ANGPT2: variants seen among roughly 807,000 people sequenced by gnomAD.
ANGPT2 encodes the protein angiopoietin 2.
A neutral mutation model predicts 62.9 loss-of-function variants in ANGPT2; 28 were observed. The ratio of observed to expected loss-of-function variants is 0.44; its 90% CI spans 0.33 to 0.61. The LOEUF (loss-of-function observed/expected upper bound fraction) is 0.61. Among genes scored for constraint, ANGPT2 ranks in the 20% least tolerant of loss-of-function variants. ANGPT2 has a pLI of 0.03. For synonymous variants in ANGPT2, 284 were observed against 207.8 expected, an observed-to-expected ratio of 1.37 and a Z score of -3.15; for missense variants, 727 against 594.9, an observed-to-expected ratio of 1.22 and a Z score of -2.31.
In ANGPT2 at chr8:6,528,384, A is replaced by G. The variant is rs149775846; in HGVS notation, c.445-708T>C. Among the ~76,000 whole-genome samples the G allele has an allele frequency of 1.5e-3, 227 of 152,336 alleles. 1 individual carries two copies. The highest frequency in any genetic ancestry group is 5.2e-3 in the African/African-American group (216 of 41,576). On this transcript the variant is annotated intron_variant, in intron 2 of 8. Transcript: ENST00000629816. ...GCCGAAAACAAAATGCTATTCTCAT[A>G]TTTATTTGTCACTAGACAGAGAGAT...
In ANGPT2 at chr8:6,519,999, T is replaced by A. The variant is rs755522191; in HGVS notation, c.800-8A>T. 3.7e-6 allele frequency: 6 copies of A among 1,612,312 alleles called. No individual in the cohort carries two copies. The African/African-American group carries it at 6.7e-5, about 18-fold the overall frequency. ...CAACAGTGGGGTCCTTAGCTGCTTT[T>A]AAAAAATAGTAAGGCATTTAAACGG... On this transcript the variant is annotated splice_polypyrimidine_tract_variant and splice_region_variant and intron_variant, in intron 4 of 8. Transcript: ENST00000629816.
chr8:6,558,096 C>T (rs1340975608), intron 1 of ANGPT2, among the ~76,000 whole-genome samples: 6 of 152,190 alleles, frequency 3.9e-5, no homozygotes, highest in Admixed American at 6.5e-5. Context: ...TACAGTCTTC[C>T]TTCCAACCTC....
At position 6,562,598 on chromosome 8, in the gene ANGPT2, A is replaced by G. The variant is rs772177259; in HGVS notation, c.288+49T>C. The G allele has an allele frequency of 5.9e-6, 5 of 853,372 alleles. No individual in the cohort carries two copies. In the Admixed American group the frequency reaches 1.2e-4, roughly 20 times the overall value. The allele number at this position is 853,372 out of a possible 1,614,324, so 52.9% of individuals were successfully genotyped here. A position where few individuals can be genotyped will look rare whatever the true frequency, so the allele number is the denominator to read the frequency against. On this transcript the variant is annotated intron_variant, in intron 1 of 8. Transcript: ENST00000629816. ...GTTGTTAAAACCTGAGCTGCTGCCA[A>G]GCTGATCTTAATAGCATGTTCACAA...
At position 6,548,297 on chromosome 8, in the gene ANGPT2, C is replaced by T. The variant is rs116613739; in HGVS notation, c.288+14350G>A. The stretch of plus-strand genomic sequence containing the variant: ...GGTGGTGTGTGTAGACCTGACAGGA[C>T]TCTACTCGTGCGTCACTTCCCAGCT... On this transcript the variant is annotated intron_variant, in intron 1 of 8. Coordinates refer to ENST00000629816, the MANE Select transcript of ANGPT2 (RefSeq NM_001118887.2). 5.7e-3 allele frequency among the ~76,000 whole-genome samples: 861 copies of T among 152,266 alleles called. 9 individuals carry two copies. The highest frequency in any genetic ancestry group is 0.02 in the African/African-American group (820 of 41,538).
chr8:6,531,572 G>A (rs1387082820), intron 2 of ANGPT2, among the ~76,000 whole-genome samples: 3 of 152,162 alleles, frequency 2.0e-5, no homozygotes, highest in Admixed American at 6.5e-5. Flanking sequence ...AATTACAGGC[G>A]TGAGCTACTG....
chr8:6,509,189 T>A, intron 7 of ANGPT2, 127 bp from the exon 8 acceptor site: 1 of 1,202,966 alleles, frequency 8.3e-7, no homozygotes, highest in Non-Finnish European at 1.1e-6. Context: ...GACTAATGCA[T>A]ACTCTGGACA....
chr8:6,534,887 G>T (rs1417945786), intron 1 of ANGPT2, among the ~76,000 whole-genome samples: 2 of 152,102 alleles, frequency 1.3e-5, no homozygotes, highest in African/African-American at 2.4e-5. Context: ...ATAGCAGTTC[G>T]TAATTCTCCC....
At chr8:6,551,963 A>C (rs1823726754) in intron 1 of ANGPT2, among the ~76,000 whole-genome samples, 1 of 152,240 alleles carries the variant, frequency 6.6e-6, no homozygotes, top group South Asian at 2.1e-4. Context: ...AAACTCTAAT[A>C]CTTCAACTAT....
chr8:6,503,963 G>T (rs1812717625), intron 8 of ANGPT2, among the ~76,000 whole-genome samples: 1 of 152,138 alleles, frequency 6.6e-6, no homozygotes, highest in Non-Finnish European at 1.5e-5. Context: ...TTTGCTTTCT[G>T]CACTTTCAGA....
intron 1 of ANGPT2, among the ~76,000 whole-genome samples, chr8:6,550,583 C>T (rs1823466181): frequency 1.3e-5 from 2 of 152,258 alleles, no homozygotes; most frequent in South Asian, 4.1e-4. Flanking sequence ...TCTGGTGTGA[C>T]AGCTGTGGGC....
At chr8:6,503,627 TTG>T (rs1208498076) in intron 8 of ANGPT2, among the ~76,000 whole-genome samples, 4 of 152,184 alleles carry the variant, frequency 2.6e-5, no homozygotes, top group Non-Finnish European at 4.4e-5. Flanking sequence ...CAGGATTACT[TTG>T]CAGTCCCAGC....
chr8:6,547,885 A>AT lies in ANGPT2; in HGVS notation c.288+14761dup, dbSNP rs78972556. 5.2e-3 allele frequency among the ~76,000 whole-genome samples: 617 copies of AT among 119,048 alleles called. 1 individual carries two copies. The highest frequency in any genetic ancestry group is 9.5e-3 in the Middle Eastern group (2 of 210). 78.1% of individuals were successfully genotyped at this position (119,048 alleles called of 152,430 possible). ...TGTTTCAGTGAGTCATCTTACCCCC[A>AT]TTTTTTTTTTTTTTTTTAACCAAAA... On this transcript the variant is annotated intron_variant, in intron 1 of 8. Coordinates refer to ENST00000629816, the MANE Select transcript of ANGPT2 (RefSeq NM_001118887.2).
At chr8:6,559,843 T>C (rs78829996) in intron 1 of ANGPT2, among the ~76,000 whole-genome samples, 9,442 of 151,850 alleles carry the variant, frequency 0.062, 379 homozygotes, top group South Asian at 0.092. Context: ...CAGTGTGTTT[T>C]GTGTGCTAGC....
chr8:6,561,935 C>G (rs1825603292), intron 1 of ANGPT2, among the ~76,000 whole-genome samples: 2 of 152,178 alleles, frequency 1.3e-5, no homozygotes, highest in African/African-American at 4.8e-5. Context: ...CGTGGCATGA[C>G]TTGAACATAA....
intron 1 of ANGPT2, among the ~76,000 whole-genome samples, chr8:6,548,588 G>T (rs1430999902): frequency 6.6e-6 from 1 of 152,128 alleles, no homozygotes; most frequent in Non-Finnish European, 1.5e-5. Context: ...ATGAGCCAAG[G>T]TACAGAAAGT....
intron 8 of ANGPT2, among the ~76,000 whole-genome samples, chr8:6,504,172 G>C (rs575080212): frequency 2.0e-5 from 3 of 152,004 alleles, no homozygotes; most frequent in African/African-American, 7.2e-5. Flanking sequence ...CAAAAAATTA[G>C]CCGGGCGTGG....
intron 7 of ANGPT2, among the ~76,000 whole-genome samples, chr8:6,510,227 G>A (rs1428329160): frequency 1.3e-5 from 2 of 151,694 alleles, no homozygotes; most frequent in Non-Finnish European, 2.9e-5. Flanking sequence ...TTGGCAGATG[G>A]TTCAGGACAG....
chr8:6,533,954 G>C (rs1238968837), intron 1 of ANGPT2, among the ~76,000 whole-genome samples: 1 of 152,136 alleles, frequency 6.6e-6, no homozygotes, highest in Non-Finnish European at 1.5e-5. Context: ...ACTGGTATCA[G>C]ATGGTTTTAG....
intron 3 of ANGPT2, 120 bp from the exon 4 acceptor site, chr8:6,521,530 T>G: frequency 2.7e-6 from 2 of 744,526 alleles, no homozygotes; most frequent in East Asian, 5.4e-5. Flanking sequence ...TAAAGTAATA[T>G]GATGTTACCA....
Sources: allele counts gnomAD v4.1 joint callset (sites outside exome capture counted in the v4.1 genomes callset), GRCh38; gene constraint gnomAD v4.1.1; transcripts MANE v1.5; gene names NCBI Gene and HGNC (gene_info 2026-07-23, HGNC 2026-07-21).